The following PRKG1 variants were observed in gnomAD, a reference collection of about 807,000 sequenced individuals.
PRKG1 encodes the protein cGMP-dependent protein kinase 1.
A neutral mutation model predicts 88.1 loss-of-function variants in PRKG1; 35 were observed. The ratio of observed to expected loss-of-function variants is 0.40; its 90% CI spans 0.30 to 0.53. The LOEUF is 0.53. PRKG1 is among the 20% of genes least tolerant of loss of function. The pLI, the probability that PRKG1 is intolerant of heterozygous loss-of-function variation, is 0.59. For synonymous variants in PRKG1, 303 were observed against 292.5 expected (o/e 1.04, Z -0.37); for missense variants, 540 against 839.8 (o/e 0.64, Z 4.41).
chr10:51,940,561 T>G (rs779795943), intron 5 of PRKG1, among the ~76,000 whole-genome samples: 3 of 151,890 alleles, frequency 2.0e-5, no homozygotes, highest in Non-Finnish European at 2.9e-5. Context: ...AAATGGGCCC[T>G]ACCTCTCATG....
chr10:51,750,065 A>G (rs778100621), intron 3 of PRKG1, among the ~76,000 whole-genome samples: 23 of 151,174 alleles, frequency 1.5e-4, no homozygotes, highest in Non-Finnish European at 2.5e-4. Context: ...CCTCCTGAGT[A>G]GCTGGGATTA....
intron 2 of PRKG1, among the ~76,000 whole-genome samples, chr10:51,289,252 G>C (rs893992390): frequency 1.3e-5 from 2 of 152,144 alleles, no homozygotes; most frequent in East Asian, 1.9e-4. Flanking sequence ...GTGGTTTTTT[G>C]CTTAGGACCG....
At chr10:52,136,953 T>C (rs4935032) in intron 8 of PRKG1, among the ~76,000 whole-genome samples, 58,608 of 151,822 alleles carry the variant, frequency 0.39, 11,978 homozygotes, top group East Asian at 0.65. Context: ...AGAAATTGGG[T>C]TTCTGACCAA....
chr10:51,612,518 A>T (rs1368874538), intron 3 of PRKG1, among the ~76,000 whole-genome samples: 3 of 151,964 alleles, frequency 2.0e-5, no homozygotes, highest in African/African-American at 4.8e-5. Context: ...CTTCTAAAAA[A>T]TTTTTTGTGG....
At chr10:51,754,933 A>C (rs1269483598) in intron 3 of PRKG1, among the ~76,000 whole-genome samples, 1 of 151,844 alleles carries the variant, frequency 6.6e-6, no homozygotes, top group Non-Finnish European at 1.5e-5. Flanking sequence ...CCCCACAGGC[A>C]CTGTCAACTA....
At chr10:52,108,578 T>C (rs1207964238) in intron 7 of PRKG1, among the ~76,000 whole-genome samples, 3 of 152,212 alleles carry the variant, frequency 2.0e-5, no homozygotes, top group Non-Finnish European at 4.4e-5. Context: ...CAGTATACTA[T>C]AAATAATCAA....
intron 2 of PRKG1, among the ~76,000 whole-genome samples, chr10:51,272,824 A>G (rs1444098055): frequency 6.6e-6 from 1 of 152,152 alleles, no homozygotes; most frequent in Non-Finnish European, 1.5e-5. Context: ...TAATAAGGCT[A>G]GCTTAGCATA....
At chr10:52,144,163 G>C (rs1401009681) in intron 8 of PRKG1, among the ~76,000 whole-genome samples, 1 of 152,152 alleles carries the variant, frequency 6.6e-6, no homozygotes, top group Non-Finnish European at 1.5e-5. Context: ...GACCTGTATA[G>C]AAGACAAGGA....
chr10:51,043,339 T>C (rs897658163), intron 1 of PRKG1, among the ~76,000 whole-genome samples: 1 of 152,172 alleles, frequency 6.6e-6, no homozygotes, highest in Non-Finnish European at 1.5e-5. Flanking sequence ...GTAATTATGA[T>C]AAATTTATTC....
At chr10:51,508,793 A>G (rs1321397413) in intron 3 of PRKG1, among the ~76,000 whole-genome samples, 1 of 152,180 alleles carries the variant, frequency 6.6e-6, no homozygotes, top group East Asian at 1.9e-4. Flanking sequence ...ACCCAAACTG[A>G]CCAAATTAGA....
chr10:51,665,228 C>G (rs1840394360), intron 3 of PRKG1, among the ~76,000 whole-genome samples: 1 of 151,946 alleles, frequency 6.6e-6, no homozygotes, highest in South Asian at 2.1e-4. Flanking sequence ...AATTCTAAAG[C>G]AAACATTATA....
intron 3 of PRKG1, among the ~76,000 whole-genome samples, chr10:51,682,809 G>A (rs1446753952): frequency 6.6e-6 from 1 of 152,140 alleles, no homozygotes; most frequent in Non-Finnish European, 1.5e-5. Context: ...CTATAACAGT[G>A]CCATCTTTGG....
At chr10:51,489,520 G>A (rs564199786) in intron 3 of PRKG1, among the ~76,000 whole-genome samples, 45 of 152,250 alleles carry the variant, frequency 3.0e-4, no homozygotes, top group Non-Finnish European at 5.7e-4. Context: ...TTCAAAAAGG[G>A]AGATTTAACT....
intron 2 of PRKG1, among the ~76,000 whole-genome samples, chr10:51,373,798 T>A (rs983613461): frequency 2.0e-5 from 3 of 152,076 alleles, no homozygotes; most frequent in African/African-American, 7.2e-5. Context: ...CGCAGGTGTT[T>A]CTTTTCTTTC....
chr10:51,530,654 G>A (rs1841994883), intron 3 of PRKG1, among the ~76,000 whole-genome samples: 1 of 152,022 alleles, frequency 6.6e-6, no homozygotes, highest in South Asian at 2.1e-4. Flanking sequence ...ATCCTTTGTT[G>A]ATATTTTGCC....
At chr10:51,026,149 C>T (rs924196906) in intron 1 of PRKG1, among the ~76,000 whole-genome samples, 3 of 152,160 alleles carry the variant, frequency 2.0e-5, no homozygotes, top group African/African-American at 7.2e-5. Context: ...ACAGGCTCCT[C>T]CTCCCAGCTC....
At chr10:51,330,746 T>TTA (rs1841719792) in intron 2 of PRKG1, among the ~76,000 whole-genome samples, 1 of 152,222 alleles carries the variant, frequency 6.6e-6, no homozygotes, top group Non-Finnish European at 1.5e-5. Flanking sequence ...AATTGTTTCT[T>TTA]TATATTTTCT....
At chr10:52,287,813 CAG>C (rs1842155239) in intron 14 of PRKG1, among the ~76,000 whole-genome samples, 1 of 151,586 alleles carries the variant, frequency 6.6e-6, no homozygotes, top group Non-Finnish European at 1.5e-5. Flanking sequence ...GTCCTCTGAG[CAG>C]AGAGAAAAGG....
chr10:52,239,322 A>T (rs1188837849), intron 9 of PRKG1, among the ~76,000 whole-genome samples: 10 of 124,970 alleles, frequency 8.0e-5, no homozygotes, highest in Admixed American at 2.9e-4. Context: ...AAAGTATAAT[A>T]AAAAAAAATA....
Sources: allele counts gnomAD v4.1 joint callset (sites outside exome capture counted in the v4.1 genomes callset), GRCh38; gene constraint gnomAD v4.1.1; transcripts MANE v1.5; gene names NCBI Gene and HGNC (gene_info 2026-07-23, HGNC 2026-07-21).